The following MEI4 variants were observed in gnomAD, a reference collection of about 807,000 sequenced individuals.
MEI4 encodes meiotic double-stranded break formation protein 4.
MEI4 carries 27 observed loss-of-function variants against 31.4 expected under a neutral mutation model. The observed-to-expected ratio is 0.86, with a 90% CI of 0.63 to 1.19. The LOEUF is 1.19. Ranked by LOEUF, MEI4 falls within the 50% of genes most tolerant of loss-of-function variation. The probability of loss-of-function intolerance (pLI) is 0.00; values close to 1 mark genes in which losing one functional copy is unlikely to be tolerated. For missense variants in MEI4, 329 were observed against 398.9 expected (o/e 0.82, Z 1.49); for synonymous variants, 122 against 145.4 (o/e 0.84, Z 1.16).
At chr6:77,875,499 A>G (rs528316985) in intron 4 of MEI4, among the ~76,000 whole-genome samples, 3 of 152,196 alleles carry the variant, frequency 2.0e-5, no homozygotes, top group Non-Finnish European at 4.4e-5. Flanking sequence ...GGACCCTTCA[A>G]AGCATGTTTT....
At chr6:77,841,314 C>CATATATATATATATATATATAT (rs1315994932) in intron 4 of MEI4, among the ~76,000 whole-genome samples, 4 of 51,896 alleles carry the variant, frequency 7.7e-5, no homozygotes, top group African/African-American at 3.5e-4. Context: ...CAAATGTGTG[C>CATATATATATATATATATATAT]ATATATATAT....
chr6:77,660,576 G>A (rs1340798580), intron 1 of MEI4, among the ~76,000 whole-genome samples: 2 of 151,916 alleles, frequency 1.3e-5, no homozygotes, highest in African/African-American at 4.8e-5. Context: ...TGGCCTAAGT[G>A]GTGGGGGTGA....
chr6:77,712,998 T>C (rs1766500855), intron 2 of MEI4, among the ~76,000 whole-genome samples: 1 of 151,786 alleles, frequency 6.6e-6, no homozygotes, highest in Admixed American at 6.6e-5. Flanking sequence ...GAAGCATTAT[T>C]GATGGAGCAT....
intron 4 of MEI4, among the ~76,000 whole-genome samples, chr6:77,862,293 A>G (rs1257356471): frequency 1.3e-5 from 2 of 152,232 alleles, no homozygotes; most frequent in African/African-American, 4.8e-5. Flanking sequence ...TCACCTGGGA[A>G]GTGCAAGGGG....
At chr6:77,858,034 AC>A (rs1303576489) in intron 4 of MEI4, among the ~76,000 whole-genome samples, 1 of 152,160 alleles carries the variant, frequency 6.6e-6, no homozygotes, top group Admixed American at 6.6e-5. Context: ...AATGCCTAAA[AC>A]TATAAAAGGA....
At chr6:77,905,271 A>C (rs1221132745) in intron 4 of MEI4, among the ~76,000 whole-genome samples, 1 of 151,930 alleles carries the variant, frequency 6.6e-6, no homozygotes, top group Non-Finnish European at 1.5e-5. Context: ...AATTCTGTTC[A>C]TAGCCTTACT....
At chr6:77,685,678 T>G (rs914693215) in intron 1 of MEI4, among the ~76,000 whole-genome samples, 1 of 152,150 alleles carries the variant, frequency 6.6e-6, no homozygotes, top group Non-Finnish European at 1.5e-5. Flanking sequence ...TATGGTTTCA[T>G]GTTATATTTA....
chr6:77,908,954 A>G (rs1766365354), intron 4 of MEI4, among the ~76,000 whole-genome samples: 1 of 152,088 alleles, frequency 6.6e-6, no homozygotes, highest in South Asian at 2.1e-4. Flanking sequence ...ACGAGACAGA[A>G]AGTTAACAAG....
At chr6:77,767,673 G>C (rs1313112481) in intron 3 of MEI4, among the ~76,000 whole-genome samples, 1 of 147,556 alleles carries the variant, frequency 6.8e-6, no homozygotes, top group African/African-American at 2.6e-5. Context: ...CTCTAGCCTG[G>C]GCCACAGAGC....
intron 4 of MEI4, among the ~76,000 whole-genome samples, chr6:77,890,463 G>A (rs1196599586): frequency 6.6e-6 from 1 of 152,198 alleles, no homozygotes; most frequent in Non-Finnish European, 1.5e-5. Flanking sequence ...CCCAAAGCCT[G>A]TACCCCCATT....
chr6:77,794,059 C>G (rs1769011950), intron 3 of MEI4, among the ~76,000 whole-genome samples: 1 of 152,080 alleles, frequency 6.6e-6, no homozygotes, highest in Non-Finnish European at 1.5e-5. Context: ...ACAAGGAACT[C>G]ACTTCAGTTT....
intron 2 of MEI4, among the ~76,000 whole-genome samples, chr6:77,701,656 A>C (rs910582681): frequency 3.9e-5 from 6 of 152,058 alleles, no homozygotes; most frequent in African/African-American, 1.4e-4. Flanking sequence ...GAATATATTC[A>C]TAAATCATAG....
chr6:77,904,905 G>A (rs1018121390), intron 4 of MEI4, among the ~76,000 whole-genome samples: 3 of 151,696 alleles, frequency 2.0e-5, no homozygotes, highest in Non-Finnish European at 4.4e-5. Flanking sequence ...TTTCTTTTAG[G>A]CTTCATACTA....
At chr6:77,767,760 TTAGA>T (rs1768212306) in intron 3 of MEI4, among the ~76,000 whole-genome samples, 1 of 152,070 alleles carries the variant, frequency 6.6e-6, no homozygotes, top group Non-Finnish European at 1.5e-5. Context: ...TTTACTTTAA[TTAGA>T]TAAACACTTA....
At position 77,743,572 on chromosome 6, in the gene MEI4, G is replaced by T. The variant is rs114442832; in HGVS notation, c.233-17558G>T. On this transcript the variant is annotated intron_variant, in intron 2 of 4. Transcript: ENST00000684080. ...TACAGTCATGTCATCTGCAAACAGG[G>T]ACTTACTTAAATGTCCCTGTCTGTC... Among the ~76,000 whole-genome samples, 893 of 152,230 alleles carry T rather than the reference G, an allele frequency of 5.9e-3. 11 individuals carry two copies. Among genetic ancestry groups the T allele is most frequent in the African/African-American group, 0.021 (858 of 41,552 alleles).
intron 4 of MEI4, among the ~76,000 whole-genome samples, chr6:77,898,733 C>T (rs959642769): frequency 6.6e-6 from 1 of 151,992 alleles, no homozygotes; most frequent in East Asian, 1.9e-4. Context: ...AACATCCAAA[C>T]TACAAGTTGA....
intron 4 of MEI4, among the ~76,000 whole-genome samples, chr6:77,850,313 G>A (rs780874931): frequency 9.2e-5 from 14 of 152,140 alleles, no homozygotes; most frequent in Non-Finnish European, 1.8e-4. Context: ...CCAAAAAAGA[G>A]CCTGCATTGC....
chr6:77,682,443 G>T (rs1201722055), intron 1 of MEI4, among the ~76,000 whole-genome samples: 1 of 152,168 alleles, frequency 6.6e-6, no homozygotes, highest in Non-Finnish European at 1.5e-5. Flanking sequence ...TTATACTGTA[G>T]AAGGGCATAG....
Position 77,781,461 on chromosome 6 carries a change from T to A in MEI4, c.768+19796T>A, listed in dbSNP as rs189161069. On this transcript the variant is annotated intron_variant, in intron 3 of 4. Transcript: ENST00000684080. The stretch of plus-strand genomic sequence containing the variant: ...GTCCATAAACGAACCATGTTGGTAT[T>A]ACCTGGGAGTTTATTAGAAATGCAG... Among the ~76,000 whole-genome samples, 258 of 152,298 alleles carry A rather than the reference T, an allele frequency of 1.7e-3. 3 individuals carry two copies. The highest frequency in any genetic ancestry group is 1.3e-3 in the Non-Finnish European group (89 of 68,020).
Sources: gnomAD v4.1 joint callset for allele counts (sites outside exome capture counted in the v4.1 genomes callset) on GRCh38, gnomAD v4.1.1 for gene constraint, MANE v1.5 for transcripts, NCBI Gene and HGNC (gene_info 2026-07-23, HGNC 2026-07-21) for gene names.